Variants in DAB1 observed in about 807,000 individuals in gnomAD.
DAB1 encodes DAB adaptor protein 1.
A neutral mutation model predicts 64.6 loss-of-function variants in DAB1; 15 were observed. That is an observed-to-expected ratio of 0.23 (90% CI 0.16 to 0.36). The LOEUF is 0.36. Ranked by LOEUF, DAB1 falls within the 10% of genes least tolerant of loss-of-function variation. The pLI is 1.00. For synonymous variants in DAB1, 235 were observed against 251.9 expected (o/e 0.93, Z 0.64); for missense variants, 596 against 706.7 (o/e 0.84, Z 1.78).
At chr1:57,584,907 T>A (rs1407952223) in intron 7 of DAB1, among the ~76,000 whole-genome samples, 1 of 149,070 alleles carries the variant, frequency 6.7e-6, no homozygotes, top group South Asian at 2.1e-4. Flanking sequence ...CCTCATCTAC[T>A]TCTTCCTCAC....
chr1:58,245,790 C>A (rs540402522), intron 4 of DAB1, among the ~76,000 whole-genome samples: 47 of 152,136 alleles, frequency 3.1e-4, no homozygotes, highest in Admixed American at 9.2e-4. Flanking sequence ...AACTAGTATT[C>A]GTGTTCTACT....
chr1:57,849,332 A>C, intron 1 of DAB1, among the ~76,000 whole-genome samples: 1 of 152,138 alleles, frequency 6.6e-6, no homozygotes, highest in African/African-American at 2.4e-5. Context: ...CTTATTCTCC[A>C]TCTGGATCTT....
At chr1:57,078,461 G>T (rs574408143) in intron 4 of DAB1, among the ~76,000 whole-genome samples, 1 of 152,174 alleles carries the variant, frequency 6.6e-6, no homozygotes, top group Admixed American at 6.5e-5. Context: ...ATATTAAATT[G>T]ATTCATATAA....
intron 4 of DAB1, among the ~76,000 whole-genome samples, chr1:58,245,494 T>G (rs1202194106): frequency 6.6e-6 from 1 of 152,142 alleles, no homozygotes; most frequent in Non-Finnish European, 1.5e-5. Flanking sequence ...ACTCTTAAGC[T>G]CTGAGCAAAT....
chr1:57,536,531 A>C (rs951428540), intron 7 of DAB1, among the ~76,000 whole-genome samples: 2 of 152,094 alleles, frequency 1.3e-5, no homozygotes, highest in Non-Finnish European at 2.9e-5. Context: ...AAAGAGGCCC[A>C]CTTAGTCAAC....
Position 58,347,396 on chromosome 1 carries a change from G to A in DAB1, n.258-3993C>T, listed in dbSNP as rs565668867. ...GTGCTGATTGCAGGCATGCGTGACTGCACCCAACCGATGGTTTTAATGAAT... is the reference window on the plus strand; with the variant it reads ...GTGCTGATTGCAGGCATGCGTGACTACACCCAACCGATGGTTTTAATGAAT... On this transcript the variant is annotated intron_variant and non_coding_transcript_variant, in intron 3 of 20. Transcript: ENST00000485760. Among the ~76,000 whole-genome samples, 9 of 152,334 alleles carry A rather than the reference G, an allele frequency of 5.9e-5. No homozygotes were observed. In the South Asian group the frequency reaches 1.7e-3, roughly 28 times the overall value.
At chr1:58,536,743 T>C (rs975144273) in intron 1 of DAB1, 6 of 866,906 alleles carry the variant, frequency 6.9e-6, no homozygotes, top group Non-Finnish European at 1.2e-5. Flanking sequence ...CTTATGCCCC[T>C]AAAGCAAAAA....
intron 3 of DAB1, among the ~76,000 whole-genome samples, chr1:58,460,753 G>A (rs749598423): frequency 6.0e-4 from 91 of 152,020 alleles, no homozygotes; most frequent in Non-Finnish European, 1.1e-3. Flanking sequence ...GAGCTAAGGG[G>A]AAAAAACATA....
At chr1:57,283,549 T>C (rs184710334) in intron 2 of DAB1, among the ~76,000 whole-genome samples, 120 of 152,302 alleles carry the variant, frequency 7.9e-4, no homozygotes, top group Middle Eastern at 6.8e-3. Context: ...AGATACGAAC[T>C]ACTATTATTT....
At chr1:57,119,553 T>A (rs776124492) in intron 4 of DAB1, among the ~76,000 whole-genome samples, 1 of 152,316 alleles carries the variant, frequency 6.6e-6, no homozygotes, top group South Asian at 2.1e-4. Context: ...GTATAATGCA[T>A]CTTTCTTATC....
chr1:57,283,507 TGA>T (rs1672075673), intron 2 of DAB1, among the ~76,000 whole-genome samples: 1 of 152,186 alleles, frequency 6.6e-6, no homozygotes, highest in African/African-American at 2.4e-5. Context: ...TTTATACTTG[TGA>T]ACTCATGGAA....
intron 7 of DAB1, among the ~76,000 whole-genome samples, chr1:57,458,371 T>A (rs1686672548): frequency 6.6e-6 from 1 of 152,016 alleles, no homozygotes. Flanking sequence ...CATATCTCTG[T>A]TTACTCCTGT....
At chr1:57,052,761 A>C (rs1385899306) in intron 9 of DAB1, among the ~76,000 whole-genome samples, 5 of 152,222 alleles carry the variant, frequency 3.3e-5, no homozygotes, top group African/African-American at 1.2e-4. Flanking sequence ...TTCACGATAT[A>C]GGAATACCTT....
chr1:58,103,229 T>C (rs1651428244), intron 5 of DAB1, among the ~76,000 whole-genome samples: 1 of 152,178 alleles, frequency 6.6e-6, no homozygotes, highest in South Asian at 2.1e-4. Flanking sequence ...ACAGCCCATC[T>C]TGCATCAAAA....
At chr1:57,579,929 A>G (rs1645292342) in intron 7 of DAB1, among the ~76,000 whole-genome samples, 1 of 152,186 alleles carries the variant, frequency 6.6e-6, no homozygotes, top group South Asian at 2.1e-4. Context: ...ATGCAGGGCC[A>G]CTCAAAGAAG....
At chr1:58,482,858 G>C (rs543578528) in intron 3 of DAB1, among the ~76,000 whole-genome samples, 6 of 152,234 alleles carry the variant, frequency 3.9e-5, no homozygotes, top group Admixed American at 1.3e-4. Flanking sequence ...GGCAGGAGCA[G>C]ATTATGTAGG....
At chr1:57,089,376 A>G (rs1276990825) in intron 4 of DAB1, among the ~76,000 whole-genome samples, 2 of 152,208 alleles carry the variant, frequency 1.3e-5, no homozygotes, top group Admixed American at 1.3e-4. Context: ...AATTTATAAC[A>G]AAAAGATACG....
intron 2 of DAB1, among the ~76,000 whole-genome samples, chr1:57,193,708 T>C (rs1192063798): frequency 6.6e-6 from 1 of 152,200 alleles, no homozygotes; most frequent in Non-Finnish European, 1.5e-5. Context: ...ATCAACTTTT[T>C]CTATTGGTTT....
At chr1:57,078,206 A>G (rs1171145649) in intron 4 of DAB1, among the ~76,000 whole-genome samples, 1 of 152,180 alleles carries the variant, frequency 6.6e-6, no homozygotes, top group African/African-American at 2.4e-5. Context: ...GCATCCTGAA[A>G]TCTTCTAGAA....
Sources: allele counts gnomAD v4.1 joint callset (sites outside exome capture counted in the v4.1 genomes callset), GRCh38; gene constraint gnomAD v4.1.1; transcripts MANE v1.5; gene names NCBI Gene and HGNC (gene_info 2026-07-23, HGNC 2026-07-21).